Variants in TBC1D9 observed in about 807,000 individuals in gnomAD.
TBC1D9 encodes the protein TBC1 domain family member 9.
TBC1D9 carries 63 observed loss-of-function variants against 132.0 expected under a neutral mutation model. The observed-to-expected ratio is 0.48, with a 90% CI of 0.39 to 0.59. TBC1D9 has a LOEUF of 0.59. Among genes scored for constraint, TBC1D9 ranks in the 20% least tolerant of loss-of-function variants. The pLI, the probability that TBC1D9 is intolerant of heterozygous loss-of-function variation, is 0.00. For synonymous variants in TBC1D9, 610 were observed against 609.9 expected (o/e 1.00, Z 0.00); for missense variants, 1,261 against 1,592.7 (o/e 0.79, Z 3.54).
In TBC1D9 at chr4:140,755,923, T is replaced by TCCGCCG. The variant is rs769063182; in HGVS notation, c.117_122dup (p.Gly40_Gly41dup). Reference sequence around the variant, plus strand: ...ATCGGCCACGGTCCTTACCCGCCAGTCCGCCGCCGCCGCCTCCATCGCCGG... The same window carrying TCCGCCG: ...ATCGGCCACGGTCCTTACCCGCCAGTCCGCCGCCGCCGCCGCCGCCTCCATCGCCGG... On this transcript the variant is annotated inframe_insertion, in exon 1 of 21. Transcript: ENST00000442267. 5 of 1,566,692 alleles carry TCCGCCG rather than the reference T, an allele frequency of 3.2e-6. No homozygotes were observed. Among genetic ancestry groups the TCCGCCG allele is most frequent in the Admixed American group, 3.7e-5 (2 of 54,088 alleles).
intron 1 of TBC1D9, among the ~76,000 whole-genome samples, chr4:140,742,274 C>T (rs1738770129): frequency 6.6e-6 from 1 of 152,110 alleles, no homozygotes; most frequent in Non-Finnish European, 1.5e-5. Context: ...TGGCTCACAC[C>T]TGTAATCCCA....
At position 140,657,684 on chromosome 4, in the gene TBC1D9, T is replaced by C; in HGVS notation, c.2050A>G (p.Ser684Gly). Reference sequence around the variant, plus strand: ...ACTGCACTCTCAAAAGGCATCACACTGAGAAATAGTGTGAGGAACCAAGAC... The same window carrying C: ...ACTGCACTCTCAAAAGGCATCACACCGAGAAATAGTGTGAGGAACCAAGAC... ...SLSWFLTLFL[S>G]VMPFESAVVV... Residue 684 changes from serine to glycine, a missense_variant, in exon 12 of 21, where the codon AGT becomes GGT. By Grantham distance (56) the Ser-to-Gly change is moderately conservative (BLOSUM62 0). This residue lies in a region of TBC1D9 where 93 missense variants were observed against 169.2 expected (regional missense o/e 0.55). Coordinates refer to ENST00000442267, the MANE Select transcript of TBC1D9 (RefSeq NM_015130.3). The C allele has an allele frequency of 6.2e-7, 1 of 1,613,770 alleles. No individual in the cohort carries two copies. Among genetic ancestry groups the C allele is most frequent in the Non-Finnish European group, 8.5e-7 (1 of 1,179,720 alleles).
At chr4:140,690,386 T>G (rs1055799341) in intron 2 of TBC1D9, among the ~76,000 whole-genome samples, 1 of 152,208 alleles carries the variant, frequency 6.6e-6, no homozygotes, top group Non-Finnish European at 1.5e-5. Flanking sequence ...TTCTCACCAC[T>G]GGCTCTTTTC....
chr4:140,661,740 AG>A (rs1416838413), intron 10 of TBC1D9, among the ~76,000 whole-genome samples, 152 bp downstream of exon 10: 3 of 152,244 alleles, frequency 2.0e-5, no homozygotes, highest in Non-Finnish European at 4.4e-5. Context: ...TACAACAAAG[AG>A]TTAACAGTCC....
Position 140,634,042 on chromosome 4 carries a change from T to C in TBC1D9, c.2652A>G (p.Gly884=). ...GGGAGGCCAGAACGTCAGAGTGAGTTCCACATGCCCAAGGAAAGAGAAGAG... is the reference window on the plus strand; with the variant it reads ...GGGAGGCCAGAACGTCAGAGTGAGTCCCACATGCCCAAGGAAAGAGAAGAG... ...MFALLFPWAC[G]THSDVLASRL... is the part of the protein sequence containing the mutation. Residue 884 remains glycine, a synonymous_variant, in exon 16 of 21, where the codon GGA becomes GGG. Coordinates refer to ENST00000442267, the MANE Select transcript of TBC1D9 (RefSeq NM_015130.3). The C allele has an allele frequency of 1.2e-6, 2 of 1,613,984 alleles. No homozygotes were observed. The highest frequency in any genetic ancestry group is 2.7e-5 in the African/African-American group (2 of 75,046).
chr4:140,683,027 C>T (rs1737729407), intron 3 of TBC1D9, among the ~76,000 whole-genome samples: 1 of 152,112 alleles, frequency 6.6e-6, no homozygotes, highest in Non-Finnish European at 1.5e-5. Context: ...GCTGGGATTA[C>T]AGGCATGCAC....
chr4:140,698,144 A>AACT (rs1738004455), intron 2 of TBC1D9, among the ~76,000 whole-genome samples: 1 of 152,126 alleles, frequency 6.6e-6, no homozygotes, highest in South Asian at 2.1e-4. Context: ...TTTCCCAATC[A>AACT]ACTACGGCAG....
intron 9 of TBC1D9, among the ~76,000 whole-genome samples, chr4:140,664,283 AC>A (rs147982531): frequency 0.053 from 8,017 of 152,308 alleles, 707 homozygotes; most frequent in African/African-American, 0.18. Flanking sequence ...AATAAATATA[AC>A]AAAACACATG....
intron 2 of TBC1D9, among the ~76,000 whole-genome samples, chr4:140,690,932 T>C (rs1223856678): frequency 6.6e-6 from 1 of 152,216 alleles, no homozygotes; most frequent in Non-Finnish European, 1.5e-5. Flanking sequence ...GCTTTAGGAA[T>C]TGAACTATGG....
intron 6 of TBC1D9, among the ~76,000 whole-genome samples, chr4:140,672,165 G>C (rs1466093167): frequency 6.6e-6 from 1 of 151,120 alleles, no homozygotes; most frequent in Non-Finnish European, 1.5e-5. Flanking sequence ...ATATGTGTTA[G>C]AGTATATATG....
chr4:140,626,384 T>A lies in TBC1D9; in HGVS notation c.2899+1057A>T, dbSNP rs528641454. Among the ~76,000 whole-genome samples, 8 of 152,258 alleles carry A rather than the reference T, an allele frequency of 5.3e-5. No individual in the cohort carries two copies. The South Asian group carries it at 1.7e-3, about 32-fold the overall frequency. ...ACATAGCTAGTGTTCTGTCCAAAGC[T>A]CCTACCCTCAACTTGTATTGCCAGT... is the stretch of plus-strand genomic sequence containing the variant. On this transcript the variant is annotated intron_variant, in intron 18 of 20. Transcript: ENST00000442267.
intron 16 of TBC1D9, among the ~76,000 whole-genome samples, chr4:140,629,750 G>A (rs1385726008): frequency 6.6e-6 from 1 of 152,134 alleles, no homozygotes; most frequent in Non-Finnish European, 1.5e-5. Flanking sequence ...TAGCCTAAGT[G>A]TGAATTCAAC....
At chr4:140,711,578 G>A (rs753129861) in intron 1 of TBC1D9, among the ~76,000 whole-genome samples, 6 of 152,150 alleles carry the variant, frequency 3.9e-5, no homozygotes, top group Non-Finnish European at 7.3e-5. Context: ...ATAAGCTGAA[G>A]AACAACTTGG....
intron 1 of TBC1D9, among the ~76,000 whole-genome samples, chr4:140,705,212 T>C (rs1738131886): frequency 6.6e-6 from 1 of 152,228 alleles, no homozygotes; most frequent in Admixed American, 6.5e-5. Flanking sequence ...CAAAATGTTG[T>C]GCTTGTCTGT....
intron 13 of TBC1D9, chr4:140,642,044 T>G: frequency 1.5e-6 from 1 of 674,540 alleles, no homozygotes; most frequent in Non-Finnish European, 2.7e-6. Context: ...TGCTTCCTGC[T>G]GGTGGCTGGC....
At chr4:140,684,130 G>A (rs1737746116) in intron 3 of TBC1D9, among the ~76,000 whole-genome samples, 1 of 152,026 alleles carries the variant, frequency 6.6e-6, no homozygotes, top group Non-Finnish European at 1.5e-5. Flanking sequence ...GGCCGGGCAT[G>A]GTGTCTTAGG....
chr4:140,678,429 T>C (rs1393317649), intron 5 of TBC1D9, among the ~76,000 whole-genome samples: 3 of 152,188 alleles, frequency 2.0e-5, no homozygotes, highest in East Asian at 1.9e-4. Flanking sequence ...CTAGCTCTGC[T>C]CTCACATTCA....
chr4:140,643,497 C>T, intron 13 of TBC1D9: 7 of 884,938 alleles, frequency 7.9e-6, no homozygotes, highest in Non-Finnish European at 1.3e-5. Flanking sequence ...CACGGCCTCC[C>T]GGGGCTCCAG....
chr4:140,706,925 G>A lies in TBC1D9; in HGVS notation c.131-5311C>T, dbSNP rs1384752768. 6.6e-6 allele frequency among the ~76,000 whole-genome samples: 1 copy of A among 152,116 alleles called. No individual in the cohort carries two copies. The highest frequency in any genetic ancestry group is 2.1e-4 in the South Asian group (1 of 4,800). ...GACATTGGATCTATCCACACTTTTT[G>A]CTCTATTATGCAACTGTAATCGTAT... On this transcript the variant is annotated intron_variant, in intron 1 of 20. Coordinates refer to ENST00000442267, the MANE Select transcript of TBC1D9 (RefSeq NM_015130.3). The surrounding 1 kb of genome is among the most constrained non-coding windows in gnomAD (Gnocchi z 4.0).
Sources: gnomAD v4.1 joint callset for allele counts (sites outside exome capture counted in the v4.1 genomes callset) on GRCh38, gnomAD v4.1.1 for gene constraint, gnomAD v4.1.1 regional missense constraint, Gnocchi (gnomAD v3.1) non-coding constraint, MANE v1.5 for transcripts, NCBI Gene and HGNC (gene_info 2026-07-23, HGNC 2026-07-21) for gene names.